CCDC171: variants seen among roughly 807,000 people sequenced by gnomAD.
The protein encoded by CCDC171 is coiled-coil domain containing 171, also known as coiled-coil domain-containing protein 171.
CCDC171 carries 177 observed loss-of-function variants against 168.2 expected under a neutral mutation model. That is an observed-to-expected ratio of 1.05 (90% CI 0.93 to 1.19). The LOEUF (loss-of-function observed/expected upper bound fraction) is 1.19, where lower values mean the gene tolerates loss of function less well. Among genes scored for constraint, CCDC171 ranks in the 50% most tolerant of loss-of-function variants. CCDC171 has a pLI of 0.00. For synonymous variants in CCDC171, 687 were observed against 540.8 expected (o/e 1.27, Z -3.75); for missense variants, 1,991 against 1,539.0 (o/e 1.29, Z -4.91).
intron 3 of CCDC171, among the ~76,000 whole-genome samples, chr9:16,007,186 T>C (rs971567861): frequency 1.4e-4 from 21 of 152,378 alleles, no homozygotes; most frequent in East Asian, 3.9e-4. Flanking sequence ...TGGCCAGTGA[T>C]GGTGAGCATT....
intron 13 of CCDC171, 33 bp downstream of exon 13, chr9:15,723,779 TAAG>T (rs774577483): frequency 2.1e-5 from 22 of 1,072,606 alleles, no homozygotes; most frequent in Non-Finnish European, 2.9e-5. Flanking sequence ...CCTTTTGTAT[TAAG>T]AAACAAATAT....
chr9:15,766,673 A>G (rs927005964), intron 18 of CCDC171, among the ~76,000 whole-genome samples: 1 of 151,378 alleles, frequency 6.6e-6, no homozygotes, highest in Non-Finnish European at 1.5e-5. Flanking sequence ...ATTTTTTGAG[A>G]TAAGGGCTCT....
intron 11 of CCDC171, among the ~76,000 whole-genome samples, chr9:15,709,015 G>A (rs1204377962): frequency 2.6e-5 from 4 of 151,946 alleles, no homozygotes; most frequent in Non-Finnish European, 5.9e-5. Context: ...GAAAAACTAA[G>A]CACCACAAAA....
chr9:15,804,327 C>G (rs2058973931), intron 21 of CCDC171, among the ~76,000 whole-genome samples: 1 of 152,082 alleles, frequency 6.6e-6, no homozygotes, highest in South Asian at 2.1e-4. Flanking sequence ...AGAGGGAATG[C>G]TTCCAGCTTT....
At chr9:15,620,521 A>G (rs934249327) in intron 6 of CCDC171, among the ~76,000 whole-genome samples, 1 of 152,248 alleles carries the variant, frequency 6.6e-6, no homozygotes, top group Non-Finnish European at 1.5e-5. Context: ...TCATGCATTC[A>G]TAAAACTTGA....
intron 7 of CCDC171, among the ~76,000 whole-genome samples, chr9:15,645,010 G>T (rs1014566107): frequency 6.6e-6 from 1 of 152,190 alleles, no homozygotes; most frequent in African/African-American, 2.4e-5. Flanking sequence ...GCAGACTGAT[G>T]CCTCACACGG....
Position 15,907,674 on chromosome 9 carries a change from G to A in CCDC171, c.3601-12596G>A, listed in dbSNP as rs913322390. ...TTGACAGATGGGATCTAATTAAACT[G>A]AAGAGCTTCTGCACAGCAAAAGAAA... On this transcript the variant is annotated intron_variant, in intron 24 of 25. Transcript: ENST00000380701. Among the ~76,000 whole-genome samples the A allele has an allele frequency of 2.5e-4, 38 of 152,232 alleles. No individual in the cohort carries two copies. In the South Asian group the frequency reaches 3.3e-3, roughly 13 times the overall value.
intron 7 of CCDC171, among the ~76,000 whole-genome samples, chr9:15,653,845 G>C (rs959672113): frequency 6.6e-5 from 10 of 151,812 alleles, no homozygotes; most frequent in Admixed American, 2.0e-4. Flanking sequence ...TCAAACTCTT[G>C]GCCCCAAGCA....
chr9:15,615,188 T>C (rs1485025421), intron 6 of CCDC171, among the ~76,000 whole-genome samples: 1 of 152,148 alleles, frequency 6.6e-6, no homozygotes, highest in Non-Finnish European at 1.5e-5. Flanking sequence ...CTTTATACAA[T>C]TAATGTCAGG....
intron 21 of CCDC171, among the ~76,000 whole-genome samples, chr9:15,803,441 T>C (rs1357751680): frequency 1.3e-5 from 2 of 152,034 alleles, no homozygotes; most frequent in Non-Finnish European, 2.9e-5. Context: ...TTTTTGTATA[T>C]GGTATAAGGA....
intron 21 of CCDC171, among the ~76,000 whole-genome samples, chr9:15,824,571 A>G (rs9407647): frequency 0.46 from 70,054 of 151,850 alleles, 16,488 homozygotes; most frequent in African/African-American, 0.53. Flanking sequence ...GCCTGTTTTA[A>G]CTAAGGTCTG....
chr9:16,074,587 G>A, the CCDC171 span, among the ~76,000 whole-genome samples: 2 of 152,166 alleles, frequency 1.3e-5, no homozygotes, highest in African/African-American at 4.8e-5. Flanking sequence ...ATTTACAAAT[G>A]AGAGGGGTTC....
chr9:15,633,595 C>T (rs1011780199), intron 7 of CCDC171, among the ~76,000 whole-genome samples: 10 of 152,056 alleles, frequency 6.6e-5, no homozygotes, highest in Admixed American at 3.3e-4. Context: ...ACTAGTTCAA[C>T]CCTTGTGGAA....
chr9:15,790,831 C>A (rs1192367444), intron 21 of CCDC171, among the ~76,000 whole-genome samples: 2 of 152,224 alleles, frequency 1.3e-5, no homozygotes, highest in Non-Finnish European at 2.9e-5. Context: ...CCAGTTTTCT[C>A]AGCACCATTT....
intron 4 of CCDC171, among the ~76,000 whole-genome samples, chr9:15,589,258 C>A (rs2041816844): frequency 6.6e-6 from 1 of 152,128 alleles, no homozygotes; most frequent in Non-Finnish European, 1.5e-5. Flanking sequence ...GTCCTCTTCT[C>A]CCTTCCATCC....
intron 21 of CCDC171, among the ~76,000 whole-genome samples, chr9:15,799,706 C>A (rs915234934): frequency 6.6e-6 from 1 of 151,928 alleles, no homozygotes; most frequent in East Asian, 1.9e-4. Context: ...AATACTAGGA[C>A]TTATTCAATC....
At chr9:15,617,892 G>A (rs529974104) in intron 6 of CCDC171, among the ~76,000 whole-genome samples, 19 of 152,290 alleles carry the variant, frequency 1.2e-4, no homozygotes, top group African/African-American at 4.6e-4. Flanking sequence ...TTGTCCCAGA[G>A]GGGCAGCAGC....
chr9:15,699,936 A>C (rs1250167678), intron 11 of CCDC171, among the ~76,000 whole-genome samples: 1 of 152,236 alleles, frequency 6.6e-6, no homozygotes, highest in African/African-American at 2.4e-5. Context: ...CTAGACATAA[A>C]GATTCTCCAC....
chr9:15,886,574 A>G (rs1439391164), intron 24 of CCDC171: 1 of 152,178 alleles, frequency 6.6e-6, no homozygotes, highest in African/African-American at 2.4e-5. Context: ...TCAAAAAATA[A>G]AAATAGAACT....
Sources: allele counts gnomAD v4.1 joint callset (sites outside exome capture counted in the v4.1 genomes callset), GRCh38; gene constraint gnomAD v4.1.1; transcripts MANE v1.5; gene names NCBI Gene and HGNC (gene_info 2026-07-23, HGNC 2026-07-21).